AGPS: variants seen among roughly 807,000 people sequenced by gnomAD.
The protein encoded by AGPS is alkylglycerone phosphate synthase.
A neutral mutation model predicts 90.7 loss-of-function variants in AGPS; 26 were observed. The observed-to-expected ratio is 0.29, with a 90% CI of 0.21 to 0.40. The LOEUF (loss-of-function observed/expected upper bound fraction) is 0.40. Ranked by LOEUF, AGPS falls within the 10% of genes least tolerant of loss-of-function variation. The pLI, the probability that AGPS is intolerant of heterozygous loss-of-function variation, is 1.00. For missense variants in AGPS, 540 were observed against 816.1 expected (o/e 0.66, Z 4.12); for synonymous variants, 294 against 285.3 (o/e 1.03, Z -0.31).
intron 8 of AGPS, among the ~76,000 whole-genome samples, chr2:177,449,696 G>A (rs910371000): frequency 1.3e-5 from 2 of 152,106 alleles, no homozygotes; most frequent in Non-Finnish European, 2.9e-5. Context: ...CAAAGTGTTG[G>A]GATTATAGGC....
chr2:177,529,473 TAAAAA>T (rs1182782483), intron 19 of AGPS, among the ~76,000 whole-genome samples: 1 of 151,110 alleles, frequency 6.6e-6, no homozygotes, highest in East Asian at 1.9e-4. Flanking sequence ...TCCTGTCTCT[TAAAAA>T]AAAAGAAAAG....
At chr2:177,420,449 C>T (rs1685911570) in intron 2 of AGPS, 91 bp downstream of exon 2, 1 of 955,154 alleles carries the variant, frequency 1.0e-6, no homozygotes, top group Admixed American at 1.8e-5. Context: ...AATGATTCCT[C>T]CTTGAGTTTA....
At chr2:177,454,719 C>G (rs994714844) in intron 8 of AGPS, among the ~76,000 whole-genome samples, 2 of 151,982 alleles carry the variant, frequency 1.3e-5, no homozygotes, top group Admixed American at 6.6e-5. Flanking sequence ...TCCTGGGATG[C>G]ACTTATGTGG....
At chr2:177,527,778 G>T (rs1167800720) in intron 19 of AGPS, among the ~76,000 whole-genome samples, 1 of 152,054 alleles carries the variant, frequency 6.6e-6, no homozygotes, top group Admixed American at 6.6e-5. Flanking sequence ...GGAATTATTG[G>T]GTTGAAGTTG....
Position 177,538,200 on chromosome 2 carries a change from A to G in AGPS, c.*5A>G. On this transcript the variant is annotated 3_prime_UTR_variant, in exon 20 of 20. Transcript: ENST00000264167. ...GGAAACAGAAACCTTTTATAAATCC[A>G]TTAGTACCATTACAAAAAAATGTCA... is the stretch of plus-strand genomic sequence containing the variant. 2 of 1,612,294 alleles carry G rather than the reference A, an allele frequency of 1.2e-6. No individual in the cohort carries two copies. The highest frequency in any genetic ancestry group is 1.7e-6 in the Non-Finnish European group (2 of 1,178,758).
At chr2:177,437,583 TAGTG>T (rs1686452615) in intron 5 of AGPS, among the ~76,000 whole-genome samples, 3 of 152,252 alleles carry the variant, frequency 2.0e-5, no homozygotes. Flanking sequence ...ATTTTGCTCT[TAGTG>T]AGTAGTAGGT....
chr2:177,478,795 G>C (rs1687861771), intron 10 of AGPS, among the ~76,000 whole-genome samples: 1 of 151,612 alleles, frequency 6.6e-6, no homozygotes, highest in South Asian at 2.1e-4. Flanking sequence ...GATAGTTCTG[G>C]AGATTAGTGT....
intron 14 of AGPS, among the ~76,000 whole-genome samples, chr2:177,501,295 A>G (rs760204185): frequency 6.6e-6 from 1 of 152,056 alleles, no homozygotes; most frequent in Non-Finnish European, 1.5e-5. Context: ...CACACAGAGG[A>G]ATTTCAGTTT....
At chr2:177,503,291 A>T (rs1688613711) in intron 14 of AGPS, among the ~76,000 whole-genome samples, 1 of 152,220 alleles carries the variant, frequency 6.6e-6, no homozygotes, top group Non-Finnish European at 1.5e-5. Context: ...CAGAATAAAC[A>T]TTACCTGTCA....
chr2:177,420,145 A>G (rs1437595387), intron 1 of AGPS, 124 bp from the exon 2 acceptor site: 1 of 665,548 alleles, frequency 1.5e-6, no homozygotes, highest in East Asian at 2.6e-5. Flanking sequence ...ATTTTATTTA[A>G]CCTTATACAA....
intron 9 of AGPS, among the ~76,000 whole-genome samples, chr2:177,467,841 C>CT (rs1377879148): frequency 6.6e-6 from 1 of 152,134 alleles, no homozygotes; most frequent in Non-Finnish European, 1.5e-5. Context: ...AGTATACTTA[C>CT]TTTCTCATTT....
At chr2:177,508,961 G>C (rs1404362645) in intron 16 of AGPS, among the ~76,000 whole-genome samples, 1 of 151,986 alleles carries the variant, frequency 6.6e-6, no homozygotes, top group Non-Finnish European at 1.5e-5. Flanking sequence ...ATTTTTATTT[G>C]TTTCTAGTAT....
intron 19 of AGPS, among the ~76,000 whole-genome samples, chr2:177,525,225 TACTTA>T (rs1381289620): frequency 6.6e-6 from 1 of 152,210 alleles, no homozygotes; most frequent in African/African-American, 2.4e-5. Context: ...TACTTAAAGA[TACTTA>T]GATTTTAGCA....
chr2:177,485,581 T>C (rs896531551), intron 11 of AGPS, among the ~76,000 whole-genome samples: 7 of 152,120 alleles, frequency 4.6e-5, no homozygotes, highest in African/African-American at 1.4e-4. Flanking sequence ...AAAAAAATTC[T>C]TAGGATGTTC....
intron 2 of AGPS, among the ~76,000 whole-genome samples, chr2:177,425,061 G>A (rs1686039360): frequency 6.6e-6 from 1 of 152,116 alleles, no homozygotes; most frequent in African/African-American, 2.4e-5. Flanking sequence ...CTTTTGCTGT[G>A]CAGAAGCTCT....
intron 11 of AGPS, among the ~76,000 whole-genome samples, chr2:177,489,199 C>T (rs1347790528): frequency 6.6e-6 from 1 of 151,876 alleles, no homozygotes; most frequent in African/African-American, 2.4e-5. Flanking sequence ...ATTCTTCTGC[C>T]TCAGCCTCCC....
chr2:177,428,448 G>A (rs1302834248), intron 2 of AGPS, among the ~76,000 whole-genome samples: 5 of 152,150 alleles, frequency 3.3e-5, no homozygotes, highest in Admixed American at 6.5e-5. Flanking sequence ...TGTTTTTATA[G>A]TGGCTGGTAA....
chr2:177,407,761 T>C (rs1277993178), intron 1 of AGPS, among the ~76,000 whole-genome samples: 1 of 150,656 alleles, frequency 6.6e-6, no homozygotes, highest in Non-Finnish European at 1.5e-5. Context: ...TCAGTGGCAA[T>C]AATGACATTT....
At chr2:177,404,096 A>C (rs528846126) in intron 1 of AGPS, among the ~76,000 whole-genome samples, 10 of 152,344 alleles carry the variant, frequency 6.6e-5, no homozygotes, top group African/African-American at 2.4e-4. Flanking sequence ...AAATCATCGG[A>C]ATCTTTGGAG....
Sources: gnomAD v4.1 joint callset for allele counts (sites outside exome capture counted in the v4.1 genomes callset) on GRCh38, gnomAD v4.1.1 for gene constraint, MANE v1.5 for transcripts, NCBI Gene and HGNC (gene_info 2026-07-23, HGNC 2026-07-21) for gene names.